The following SAMMSON variants were observed in gnomAD, a reference collection of about 807,000 sequenced individuals.
SAMMSON encodes the protein survival associated mitochondrial melanoma specific oncogenic non-coding RNA, also known as long intergenic non-protein coding RNA 1212.
chr3:70,025,309 A>G (rs1459460746), intron 3 of SAMMSON: 3 of 152,126 alleles, frequency 2.0e-5, no homozygotes, highest in East Asian at 1.9e-4. Flanking sequence ...CAGAGGCACA[A>G]TCTCAACTCA....
At chr3:70,010,429 A>G (rs963756147) in intron 1 of SAMMSON, among the ~76,000 whole-genome samples, 6 of 152,046 alleles carry the variant, frequency 3.9e-5, no homozygotes, top group African/African-American at 1.5e-4. Flanking sequence ...TTGTTGGTTT[A>G]AAGTCTGTTT....
chr3:70,010,557 T>G (rs2066949600), intron 1 of SAMMSON, among the ~76,000 whole-genome samples: 1 of 152,142 alleles, frequency 6.6e-6, no homozygotes, highest in Non-Finnish European at 1.5e-5. Context: ...TTCTTGTGTC[T>G]TAGGGTTCCT....
intron 7 of SAMMSON, among the ~76,000 whole-genome samples, chr3:70,346,945 T>C (rs547894121): frequency 6.6e-6 from 1 of 152,168 alleles, no homozygotes; most frequent in South Asian, 2.1e-4. Flanking sequence ...GATCTGGCAA[T>C]GAAACTGATT....
At chr3:70,012,467 A>G (rs2066961691) in exon 2 of SAMMSON, 1 of 152,168 alleles carries the variant, frequency 6.6e-6, no homozygotes, top group Admixed American at 6.5e-5. Flanking sequence ...AGATGAAGGA[A>G]GGGGCGAAAA....
At chr3:70,413,292 T>C (rs1701236636) in intron 2 of SAMMSON, among the ~76,000 whole-genome samples, 1 of 152,196 alleles carries the variant, frequency 6.6e-6, no homozygotes, top group Non-Finnish European at 1.5e-5. Context: ...GAACTCTCTA[T>C]TGCCTCAATG....
intron 2 of SAMMSON, among the ~76,000 whole-genome samples, chr3:70,412,231 A>C (rs1040957170): frequency 6.6e-6 from 1 of 152,192 alleles, no homozygotes; most frequent in Non-Finnish European, 1.5e-5. Flanking sequence ...CTTAAATGTG[A>C]TGTAGTGTAG....
At chr3:70,311,788 C>G in intron 7 of SAMMSON, 1 of 389,182 alleles carries the variant, frequency 2.6e-6, no homozygotes, top group Non-Finnish European at 4.5e-6. Flanking sequence ...ACTATTTGAA[C>G]GGTCAGGACA....
At chr3:70,424,031 T>C (rs1048239228) in intron 2 of SAMMSON, among the ~76,000 whole-genome samples, 1 of 152,212 alleles carries the variant, frequency 6.6e-6, no homozygotes, top group Non-Finnish European at 1.5e-5. Context: ...AATCATTTTT[T>C]ATCATAATGA....
intron 4 of SAMMSON, among the ~76,000 whole-genome samples, chr3:70,212,874 G>A (rs1343214435): frequency 1.3e-5 from 2 of 151,946 alleles, no homozygotes; most frequent in Non-Finnish European, 2.9e-5. Flanking sequence ...GTTCACTGCA[G>A]CTTCAACCTC....
intron 7 of SAMMSON, among the ~76,000 whole-genome samples, chr3:70,309,949 T>G (rs1363838208): frequency 6.6e-6 from 1 of 152,192 alleles, no homozygotes; most frequent in African/African-American, 2.4e-5. Context: ...GATTGGCCTA[T>G]CAATTTCATT....
intron 4 of SAMMSON, among the ~76,000 whole-genome samples, chr3:70,221,764 G>T (rs1559538517): frequency 6.6e-6 from 1 of 152,176 alleles, no homozygotes; most frequent in Non-Finnish European, 1.5e-5. Context: ...CAATCCTTGG[G>T]ACCGTGATTA....
downstream of SAMMSON, among the ~76,000 whole-genome samples, chr3:70,393,488 G>A (rs999996879): frequency 1.3e-5 from 2 of 152,152 alleles, no homozygotes; most frequent in Non-Finnish European, 2.9e-5. Context: ...CATGCCATGA[G>A]CAATGCTACA....
chr3:70,239,316 A>G (rs1701642614), intron 4 of SAMMSON, among the ~76,000 whole-genome samples: 2 of 152,200 alleles, frequency 1.3e-5, no homozygotes, highest in African/African-American at 4.8e-5. Flanking sequence ...CCCAAGGTCC[A>G]AGTCTTACCC....
intron 9 of SAMMSON, among the ~76,000 whole-genome samples, chr3:70,374,534 C>G (rs1417021336): frequency 6.6e-6 from 1 of 152,034 alleles, no homozygotes; most frequent in African/African-American, 2.4e-5. Flanking sequence ...ATTATTGCTA[C>G]TGGGTGGGAG....
chr3:70,100,769 A>G lies in SAMMSON; in HGVS notation n.507+29204A>G, dbSNP rs574080166. Among the ~76,000 whole-genome samples, 271 of 152,132 alleles carry G rather than the reference A, an allele frequency of 1.8e-3. 1 individual carries two copies. The highest frequency in any genetic ancestry group is 3.0e-3 in the Non-Finnish European group (204 of 67,982). ...TGGGATCTAGCCCAACTAAGGGGGG[A>G]AAAAATCAACATACCAAACTGTGTA... On this transcript the variant is annotated intron_variant and non_coding_transcript_variant, in intron 4 of 9. Transcript: ENST00000642114.
intron 4 of SAMMSON, among the ~76,000 whole-genome samples, chr3:70,228,448 A>C (rs1425709841): frequency 6.6e-6 from 1 of 151,822 alleles, no homozygotes; most frequent in African/African-American, 2.4e-5. Context: ...TGCTTCACTG[A>C]TAGAGATTCA....
At chr3:70,148,740 C>T (rs2067559414) in intron 4 of SAMMSON, among the ~76,000 whole-genome samples, 1 of 152,068 alleles carries the variant, frequency 6.6e-6, no homozygotes, top group African/African-American at 2.4e-5. Context: ...ACCTTGAGGG[C>T]AGCACCAAGC....
intron 9 of SAMMSON, among the ~76,000 whole-genome samples, chr3:70,359,009 C>G (rs1702851335): frequency 6.6e-6 from 1 of 152,018 alleles, no homozygotes; most frequent in Admixed American, 6.6e-5. Context: ...TGAGTTGGCT[C>G]GCCAAGGATA....
At position 70,013,020 on chromosome 3, in the gene SAMMSON, C is replaced by G. The variant is rs189423822; in HGVS notation, n.264+422C>G. Among the ~76,000 whole-genome samples, 53 of 152,278 alleles carry G rather than the reference C, an allele frequency of 3.5e-4. No homozygotes were observed. In the Middle Eastern group the frequency reaches 0.01, roughly 29 times the overall value. Reference sequence around the variant, plus strand: ...GGAGGAAGATCATCTAGTTTTGAAACATACTTGCTGTGTCATTTTAAGCAA... The same window carrying G: ...GGAGGAAGATCATCTAGTTTTGAAAGATACTTGCTGTGTCATTTTAAGCAA... On this transcript the variant is annotated intron_variant and non_coding_transcript_variant, in intron 2 of 9. Coordinates refer to ENST00000642114, the Ensembl canonical transcript of SAMMSON.
Sources: gnomAD v4.1 joint callset for allele counts (sites outside exome capture counted in the v4.1 genomes callset) on GRCh38, gnomAD v4.1.1 for gene constraint, MANE v1.5 for transcripts, NCBI Gene and HGNC (gene_info 2026-07-23, HGNC 2026-07-21) for gene names.